ZNF100: variants seen among roughly 807,000 people sequenced by gnomAD.
ZNF100 encodes the protein zinc finger protein 100.
A neutral mutation model predicts 15.8 loss-of-function variants in ZNF100; 12 were observed. The ratio of observed to expected loss-of-function variants is 0.76; its 90% confidence interval spans 0.49 to 1.23. The LOEUF is 1.23. Ranked by LOEUF, ZNF100 falls within the 50% of genes most tolerant of loss-of-function variation. The pLI is 0.00. For missense variants in ZNF100, 670 were observed against 635.6 expected, an observed-to-expected ratio of 1.05 and a Z score of -0.58; for synonymous variants, 226 against 214.8, an observed-to-expected ratio of 1.05 and a Z score of -0.45.
At chr19:21,746,335 A>G (rs1273351706) in intron 2 of ZNF100, among the ~76,000 whole-genome samples, 1 of 152,246 alleles carries the variant, frequency 6.6e-6, no homozygotes, top group East Asian at 1.9e-4. Context: ...GTCTTTCTTC[A>G]GCACCCTATA....
intron 2 of ZNF100, chr19:21,750,699 T>C (rs1331485883): frequency 4.2e-6 from 1 of 236,700 alleles, no homozygotes. Flanking sequence ...GGTCGCGGGG[T>C]GGGCGGGTGA....
chr19:21,761,910 C>T (rs1038660488), intron 2 of ZNF100, among the ~76,000 whole-genome samples: 1 of 152,160 alleles, frequency 6.6e-6, no homozygotes, highest in Admixed American at 6.6e-5. Flanking sequence ...GGTCAGAAAG[C>T]ATGAATCTGA....
At chr19:21,729,391 C>G (rs1239745598) in intron 4 of ZNF100, among the ~76,000 whole-genome samples, 1 of 127,596 alleles carries the variant, frequency 7.8e-6, no homozygotes, top group Non-Finnish European at 1.6e-5. Flanking sequence ...CATGATTCAA[C>G]AAAAACAACA....
At chr19:21,728,977 AAT>A (rs1438711473) in intron 4 of ZNF100, among the ~76,000 whole-genome samples, 1 of 152,042 alleles carries the variant, frequency 6.6e-6, no homozygotes, top group Non-Finnish European at 1.5e-5. Flanking sequence ...ATAGCTGAAA[AAT>A]ATTGAAAGAA....
chr19:21,764,924 G>C (rs1317258833), intron 2 of ZNF100, among the ~76,000 whole-genome samples: 3 of 152,042 alleles, frequency 2.0e-5, no homozygotes, highest in Non-Finnish European at 2.9e-5. Context: ...TTGTGGAAAT[G>C]TATTCATTTT....
intron 4 of ZNF100, among the ~76,000 whole-genome samples, chr19:21,733,003 G>C (rs993275326): frequency 3.9e-5 from 6 of 152,162 alleles, no homozygotes; most frequent in African/African-American, 1.4e-4. Context: ...AAGGCAGATA[G>C]ATCACTTGAG....
At position 21,726,361 on chromosome 19, in the gene ZNF100, T is replaced by C. The variant is rs985557514; in HGVS notation, c.*322A>G. On this transcript the variant is annotated 3_prime_UTR_variant, in exon 5 of 5. Coordinates refer to ENST00000358296, the MANE Select transcript of ZNF100 (RefSeq NM_173531.4). ...AAAGTTTTGTCACACTGTTCACACA[T>C]GTAGAAGTTTTCTCCAGTATAACTT... The C allele has an allele frequency of 1.1e-5, 3 of 285,158 alleles. No homozygotes were observed. Among genetic ancestry groups the C allele is most frequent in the Non-Finnish European group, 1.3e-5 (2 of 153,144 alleles). 17.7% of individuals were successfully genotyped at this position (285,158 alleles called of 1,614,324 possible). A position where few individuals can be genotyped will look rare whatever the true frequency, so the allele number is the denominator to read the frequency against.
chr19:21,765,778 CG>C lies in ZNF100; in HGVS notation c.11del (p.Pro4ArgfsTer32), dbSNP rs1568315706. ...CCTTGAGAGGACACATTCCATACCT[CG>C]GGTCATCCTACGGGAGAAAATAAAC... MDD[P>X]RYGMCPLKGA... On this transcript the variant is annotated frameshift_variant, in exon 2 of 5. Coordinates refer to ENST00000358296, the MANE Select transcript of ZNF100 (RefSeq NM_173531.4). LOFTEE classifies it high-confidence loss of function. 1 of 1,614,072 alleles carries C rather than the reference CG, an allele frequency of 6.2e-7. No homozygotes were observed. Among genetic ancestry groups the C allele is most frequent in the Non-Finnish European group, 8.5e-7 (1 of 1,179,994 alleles).
intron 2 of ZNF100, among the ~76,000 whole-genome samples, chr19:21,747,979 A>C (rs1387199330): frequency 1.3e-5 from 2 of 151,728 alleles, no homozygotes; most frequent in African/African-American, 4.8e-5. Context: ...TGATTTTTTA[A>C]AAAAATGTAC....
At chr19:21,746,699 A>T (rs890421845) in intron 2 of ZNF100, 1 of 152,216 alleles carries the variant, frequency 6.6e-6, no homozygotes, top group African/African-American at 2.4e-5. Context: ...TTAGAATTTT[A>T]AAAAGTAGTT....
chr19:21,741,522 C>A (rs1599387610), intron 4 of ZNF100, among the ~76,000 whole-genome samples: 1 of 151,974 alleles, frequency 6.6e-6, no homozygotes, highest in South Asian at 2.1e-4. Flanking sequence ...TTACAGGCAC[C>A]TGTCACAAGG....
chr19:21,738,019 G>T (rs533463867), intron 4 of ZNF100, among the ~76,000 whole-genome samples: 9 of 152,138 alleles, frequency 5.9e-5, no homozygotes, highest in Admixed American at 3.9e-4. Context: ...GAGAGGCTGA[G>T]GCGGGCAGAT....
intron 4 of ZNF100, among the ~76,000 whole-genome samples, chr19:21,734,964 G>A (rs1393671137): frequency 6.6e-6 from 1 of 152,178 alleles, no homozygotes; most frequent in Non-Finnish European, 1.5e-5. Flanking sequence ...GCTTCATAGT[G>A]AAGGAGAAAT....
intron 2 of ZNF100, among the ~76,000 whole-genome samples, chr19:21,763,741 C>G (rs1031180699): frequency 6.6e-6 from 1 of 152,130 alleles, no homozygotes; most frequent in Non-Finnish European, 1.5e-5. Flanking sequence ...AAAACATTCT[C>G]TAATCTAAAA....
In ZNF100 at chr19:21,727,392, T is replaced by C. The variant is rs1204501060; in HGVS notation, c.920A>G (p.His307Arg). Residue 307 changes from histidine to arginine, a missense_variant, in exon 5 of 5, where the codon CAT becomes CGT. Physicochemically the swap from His to Arg is conservative, Grantham distance 29. Transcript: ENST00000358296. ...TTTCACTCCAGTATGAATTCTTTTA[T>C]GTGTAGTAAGGTGTGAAGACCGGTT... ...AFNRSSHLTTHKRIHTGVKPY... is the reference protein window; with the variant it reads ...AFNRSSHLTTRKRIHTGVKPY... The C allele has an allele frequency of 1.2e-6, 2 of 1,613,034 alleles. No homozygotes were observed. The highest frequency in any genetic ancestry group is 1.3e-5 in the African/African-American group (1 of 75,030).
At chr19:21,741,494 C>T (rs1481394976) in intron 4 of ZNF100, among the ~76,000 whole-genome samples, 1 of 152,064 alleles carries the variant, frequency 6.6e-6, no homozygotes, top group Non-Finnish European at 1.5e-5. Context: ...TCTGCCTCAG[C>T]CTCCCGAGTA....
At position 21,727,343 on chromosome 19, in the gene ZNF100, G is replaced by A. The variant is rs186537707; in HGVS notation, c.969C>T (p.Gly323=). ...GVKPYKCTEC[G]KAFNRSSHLT... ...GGTGTGAGGACCGGTTAAAAGCTTT[G>A]CCACATTCTGTACATTTGTAGGGTT... The change falls in exon 5 of 5, where the codon GGC becomes GGT. Residue 323 remains glycine (G), a synonymous_variant. Transcript: ENST00000358296. The A allele has an allele frequency of 6.2e-6, 10 of 1,612,224 alleles. No individual in the cohort carries two copies. The Admixed American group carries it at 1.7e-4, about 27-fold the overall frequency.
At chr19:21,751,340 G>A (rs2036303662) in intron 2 of ZNF100, 9 of 851,234 alleles carry the variant, frequency 1.1e-5, no homozygotes, top group East Asian at 2.4e-5. Context: ...TATTTTTGAT[G>A]AGAGATCACA....
intron 4 of ZNF100, among the ~76,000 whole-genome samples, chr19:21,733,553 A>T (rs1233513654): frequency 1.3e-5 from 2 of 152,238 alleles, no homozygotes; most frequent in Non-Finnish European, 2.9e-5. Context: ...AAATGAGAAA[A>T]GACATATCTA....
Sources: allele counts gnomAD v4.1 joint callset (sites outside exome capture counted in the v4.1 genomes callset), GRCh38; gene constraint gnomAD v4.1.1; transcripts MANE v1.5; gene names NCBI Gene and HGNC (gene_info 2026-07-23, HGNC 2026-07-21).